WSCD2: variants seen among roughly 807,000 people sequenced by gnomAD.
WSCD2 encodes sialate:O-sulfotransferase 2.
A neutral mutation model predicts 55.7 loss-of-function variants in WSCD2; 28 were observed. That is an observed-to-expected ratio of 0.50 (90% CI 0.37 to 0.69). WSCD2 has a LOEUF of 0.69. Ranked by LOEUF, WSCD2 falls within the 30% of genes least tolerant of loss-of-function variation. The pLI is 0.00. For synonymous variants in WSCD2, 301 were observed against 301.9 expected, an observed-to-expected ratio of 1.00 and a Z score of 0.03; for missense variants, 616 against 762.1, an observed-to-expected ratio of 0.81 and a Z score of 2.26.
chr12:108,193,763 C>T (rs551631602), intron 1 of WSCD2, among the ~76,000 whole-genome samples: 12 of 152,226 alleles, frequency 7.9e-5, no homozygotes, highest in African/African-American at 2.4e-4. Flanking sequence ...TGCTGGATGA[C>T]AGACGGATGG....
chr12:108,197,383 C>T (rs1268342863), intron 2 of WSCD2, among the ~76,000 whole-genome samples: 1 of 133,566 alleles, frequency 7.5e-6, no homozygotes, highest in African/African-American at 2.9e-5. Context: ...ACTTCTGCCT[C>T]TTCAAGAACC....
At chr12:108,180,300 C>T (rs1269778168) in intron 1 of WSCD2, among the ~76,000 whole-genome samples, 1 of 152,206 alleles carries the variant, frequency 6.6e-6, no homozygotes, top group African/African-American at 2.4e-5. Context: ...GATATAAAAA[C>T]ATGCCGCCCC....
chr12:108,227,754 G>GGTGA (rs1565985782), intron 6 of WSCD2, among the ~76,000 whole-genome samples: 1 of 111,708 alleles, frequency 9.0e-6, no homozygotes, highest in Non-Finnish European at 1.9e-5. Flanking sequence ...GATGATGATG[G>GGTGA]TGATGATTAT....
At chr12:108,142,808 TCTCTA>T (rs1466083489) in intron 1 of WSCD2, among the ~76,000 whole-genome samples, 1 of 152,076 alleles carries the variant, frequency 6.6e-6, no homozygotes, top group Non-Finnish European at 1.5e-5. Context: ...TCTCTCTCTC[TCTCTA>T]TTTTTTTATT....
At chr12:108,223,035 C>T (rs1372625656) in intron 4 of WSCD2, among the ~76,000 whole-genome samples, 5 of 152,236 alleles carry the variant, frequency 3.3e-5, no homozygotes, top group East Asian at 1.9e-4. Context: ...GTTAATGCTG[C>T]GATCTTGAGA....
chr12:108,190,280 C>T (rs1411272549), intron 1 of WSCD2, among the ~76,000 whole-genome samples: 1 of 152,128 alleles, frequency 6.6e-6, no homozygotes. Flanking sequence ...TTCTTGGAAA[C>T]TTCCCAGATG....
intron 1 of WSCD2, among the ~76,000 whole-genome samples, chr12:108,190,604 G>A (rs1565948443): frequency 1.3e-5 from 2 of 152,116 alleles, no homozygotes; most frequent in African/African-American, 4.8e-5. Context: ...TTCCCCTGCA[G>A]GCAGCTCTTC....
At chr12:108,182,622 G>C (rs1182236975) in intron 1 of WSCD2, among the ~76,000 whole-genome samples, 2 of 152,180 alleles carry the variant, frequency 1.3e-5, no homozygotes, top group African/African-American at 2.4e-5. Flanking sequence ...TAAACCCACA[G>C]GTTGCAAGAG....
At chr12:108,151,315 A>T (rs980560325) in intron 1 of WSCD2, among the ~76,000 whole-genome samples, 4 of 152,106 alleles carry the variant, frequency 2.6e-5, no homozygotes, top group African/African-American at 9.7e-5. Context: ...CTCCTCAATC[A>T]TGACAATAAA....
intron 6 of WSCD2, among the ~76,000 whole-genome samples, chr12:108,228,281 G>C (rs188454016): frequency 4.6e-5 from 7 of 152,276 alleles, no homozygotes; most frequent in African/African-American, 1.7e-4. Flanking sequence ...CTATGTACCA[G>C]TCCTTATGCC....
chr12:108,240,664 C>T, intron 8 of WSCD2, 120 bp downstream of exon 8: 2 of 1,186,204 alleles, frequency 1.7e-6, no homozygotes, highest in South Asian at 1.5e-5. Context: ...TGCGAGGAAC[C>T]CTGGAGGACA....
intron 1 of WSCD2, among the ~76,000 whole-genome samples, chr12:108,147,512 T>C (rs1727676603): frequency 1.3e-5 from 2 of 152,132 alleles, no homozygotes; most frequent in South Asian, 4.2e-4. Flanking sequence ...AAGGGAGGGT[T>C]ACTAGCGGAT....
chr12:108,140,922 T>C (rs1256981251), intron 1 of WSCD2, among the ~76,000 whole-genome samples: 1 of 152,264 alleles, frequency 6.6e-6, no homozygotes, highest in East Asian at 1.9e-4. Flanking sequence ...TGACAGGTCC[T>C]GCGGCCCCTT....
At chr12:108,232,029 T>G (rs1888812555) in intron 6 of WSCD2, among the ~76,000 whole-genome samples, 1 of 152,112 alleles carries the variant, frequency 6.6e-6, no homozygotes, top group African/African-American at 2.4e-5. Context: ...GGGAACAGCA[T>G]GCATGAAGGC....
chr12:108,183,158 C>T (rs541179031), intron 1 of WSCD2, among the ~76,000 whole-genome samples: 20 of 152,290 alleles, frequency 1.3e-4, no homozygotes, highest in African/African-American at 4.6e-4. Context: ...AAACTCTGGT[C>T]GTGACTTTTC....
intron 1 of WSCD2, among the ~76,000 whole-genome samples, chr12:108,145,015 T>C (rs1592879844): frequency 6.6e-6 from 1 of 152,314 alleles, no homozygotes; most frequent in South Asian, 2.1e-4. Context: ...ACTGGCTGCA[T>C]CCATGAGCAC....
At chr12:108,173,605 C>A (rs1880471548) in intron 1 of WSCD2, among the ~76,000 whole-genome samples, 1 of 151,906 alleles carries the variant, frequency 6.6e-6, no homozygotes, top group Admixed American at 6.6e-5. Flanking sequence ...GACTGATTGC[C>A]CAGTAGATGC....
intron 6 of WSCD2, among the ~76,000 whole-genome samples, chr12:108,227,762 TATG>T (rs1888291055): frequency 6.9e-6 from 1 of 144,982 alleles, no homozygotes; most frequent in Non-Finnish European, 1.5e-5. Flanking sequence ...TGGTGATGAT[TATG>T]ATGATGGTGA....
intron 8 of WSCD2, chr12:108,244,578 G>A: frequency 1.4e-6 from 1 of 702,764 alleles, no homozygotes; most frequent in South Asian, 1.5e-5. Flanking sequence ...AGCATCTGTA[G>A]GAGGTAGGTC....
Sources: allele counts gnomAD v4.1 joint callset (sites outside exome capture counted in the v4.1 genomes callset), GRCh38; gene constraint gnomAD v4.1.1; transcripts MANE v1.5; gene names NCBI Gene and HGNC (gene_info 2026-07-23, HGNC 2026-07-21).